The following FRMD6 variants were observed in gnomAD, a reference collection of about 807,000 sequenced individuals.
FRMD6 encodes FERM domain containing 6, also known as FERM domain-containing protein 6.
FRMD6 carries 37 observed loss-of-function variants against 73.2 expected under a neutral mutation model. The observed-to-expected ratio is 0.51, with a 90% CI of 0.39 to 0.66. The LOEUF (loss-of-function observed/expected upper bound fraction) is 0.66, where lower values mean the gene tolerates loss of function less well. FRMD6 is among the 30% of genes least tolerant of loss of function. The pLI is 0.00. For missense variants in FRMD6, 714 were observed against 780.5 expected, an observed-to-expected ratio of 0.91 and a Z score of 1.02; for synonymous variants, 273 against 282.2, an observed-to-expected ratio of 0.97 and a Z score of 0.33.
chr14:51,603,106 GCT>G (rs1319159224), intron 2 of FRMD6, among the ~76,000 whole-genome samples: 3 of 152,208 alleles, frequency 2.0e-5, no homozygotes, highest in Non-Finnish European at 4.4e-5. Flanking sequence ...GAGCCAGCCA[GCT>G]CTTCCACCAC....
chr14:51,452,419 G>A, the FRMD6 span, among the ~76,000 whole-genome samples: 4 of 152,190 alleles, frequency 2.6e-5, no homozygotes, highest in Non-Finnish European at 5.9e-5. Flanking sequence ...CTCTAGTGAT[G>A]GTTTTCAAAC....
At chr14:51,693,574 T>G (rs1179367564) in intron 2 of FRMD6, among the ~76,000 whole-genome samples, 1 of 151,964 alleles carries the variant, frequency 6.6e-6, no homozygotes, top group Non-Finnish European at 1.5e-5. Context: ...ACAGGGACAT[T>G]GCAAGGATTT....
At chr14:51,628,799 T>TAAAAA (rs1566512046) in intron 2 of FRMD6, among the ~76,000 whole-genome samples, 1 of 9,322 alleles carries the variant, frequency 1.1e-4, no homozygotes, top group African/African-American at 3.9e-4. Context: ...AGACTCTGTC[T>TAAAAA]CAAAAAAAAA....
intron 1 of FRMD6, among the ~76,000 whole-genome samples, chr14:51,681,993 C>T (rs1894832588): frequency 1.3e-5 from 2 of 152,164 alleles, no homozygotes; most frequent in African/African-American, 4.8e-5. Context: ...CTGTAAAACA[C>T]ATTGTGGTCT....
chr14:51,508,407 C>T (rs1018813374), intron 1 of FRMD6, among the ~76,000 whole-genome samples: 6 of 152,216 alleles, frequency 3.9e-5, no homozygotes, highest in African/African-American at 1.2e-4. Context: ...CTCTTTTATA[C>T]TTTCTGCTAA....
At chr14:51,441,571 G>A in the FRMD6 span, among the ~76,000 whole-genome samples, 5 of 152,280 alleles carry the variant, frequency 3.3e-5, no homozygotes, top group South Asian at 1.0e-3. Flanking sequence ...CTTCTATTCT[G>A]TGATCCTTAC....
In FRMD6 at chr14:51,720,176, C is replaced by G. The variant is rs56069447; in HGVS notation, c.1146C>G (p.Ser382=). 4.8e-4 allele frequency: 781 copies of G among 1,614,010 alleles called. 3 individuals carry two copies. In the African/African-American group the frequency reaches 9.5e-3, roughly 20 times the overall value. Residue 382 remains serine, a synonymous_variant, in exon 11 of 14, where the codon TCC becomes TCG. Coordinates refer to ENST00000344768, the MANE Select transcript of FRMD6 (RefSeq NM_001267046.2). The part of the protein sequence containing the change: ...SAGSMKHKRL[S]RHSTASHSSS... ...GCAGCATGAAACACAAGCGCCTGTC[C>G]CGTCATTCCACCGCCAGCCACAGCA...
intron 1 of FRMD6, among the ~76,000 whole-genome samples, chr14:51,501,357 C>G (rs912767348): frequency 6.6e-6 from 1 of 152,136 alleles, no homozygotes; most frequent in African/African-American, 2.4e-5. Flanking sequence ...CTTCCTGATG[C>G]TCTCCCTCCC....
At chr14:51,604,976 C>T (rs888972016) in intron 2 of FRMD6, among the ~76,000 whole-genome samples, 3 of 152,094 alleles carry the variant, frequency 2.0e-5, no homozygotes, top group Non-Finnish European at 4.4e-5. Flanking sequence ...ATGGCCTATG[C>T]GAGCTGTGAT....
At chr14:51,590,062 C>CAAAAAAAAAAAAAAAA (rs529602796) in intron 2 of FRMD6, among the ~76,000 whole-genome samples, 1 of 82,594 alleles carries the variant, frequency 1.2e-5, no homozygotes, top group Non-Finnish European at 2.9e-5. Flanking sequence ...GAGCGAAACT[C>CAAAAAAAAAAAAAAAA]AAAAAAAAAA....
the FRMD6 span, among the ~76,000 whole-genome samples, chr14:51,444,386 G>A: frequency 6.6e-6 from 1 of 152,202 alleles, no homozygotes; most frequent in African/African-American, 2.4e-5. Flanking sequence ...ATGAGAACTG[G>A]CATGTGGTTG....
chr14:51,721,859 A>C (rs746255007), intron 11 of FRMD6, 90 bp from the exon 12 acceptor site: 104 of 1,464,962 alleles, frequency 7.1e-5, no homozygotes, highest in Non-Finnish European at 9.3e-5. Flanking sequence ...AAATAGGAAT[A>C]ATTACATAGC....
intron 2 of FRMD6, among the ~76,000 whole-genome samples, chr14:51,643,080 A>G (rs925222980): frequency 1.3e-5 from 2 of 152,230 alleles, no homozygotes; most frequent in South Asian, 2.1e-4. Flanking sequence ...ATGAGCTTAG[A>G]GTCAGATTTC....
At chr14:51,656,779 T>C (rs1892867435) in intron 1 of FRMD6, among the ~76,000 whole-genome samples, 1 of 152,206 alleles carries the variant, frequency 6.6e-6, no homozygotes, top group African/African-American at 2.4e-5. Context: ...TAAATTGATA[T>C]ATCAAGAAAC....
intron 2 of FRMD6, among the ~76,000 whole-genome samples, chr14:51,626,760 C>CAGAG (rs1379623011): frequency 1.3e-5 from 2 of 152,174 alleles, no homozygotes; most frequent in South Asian, 4.1e-4. Context: ...CCACTTTGAA[C>CAGAG]AGAGACCTCT....
chr14:51,595,104 A>G (rs1310560695), intron 2 of FRMD6, among the ~76,000 whole-genome samples: 3 of 152,212 alleles, frequency 2.0e-5, no homozygotes, highest in East Asian at 1.9e-4. Flanking sequence ...CTGTGCTAGG[A>G]GACCACATGG....
At chr14:51,704,666 T>C (rs1896520387) in intron 5 of FRMD6, 83 bp from the exon 6 acceptor site, 6 of 1,123,076 alleles carry the variant, frequency 5.3e-6, no homozygotes, top group Admixed American at 4.3e-5. Flanking sequence ...TGTCACCAGA[T>C]GGAGAGAAGG....
the FRMD6 span, among the ~76,000 whole-genome samples, chr14:51,420,939 A>C: frequency 0.22 from 33,437 of 151,788 alleles, 4,355 homozygotes; most frequent in East Asian, 0.51. Flanking sequence ...ACACCTAGCT[A>C]ATTTTTTTGT....
At chr14:51,450,470 G>T in the FRMD6 span, among the ~76,000 whole-genome samples, 2 of 152,248 alleles carry the variant, frequency 1.3e-5, no homozygotes, top group Admixed American at 6.5e-5. Context: ...ATGCCTAGAA[G>T]CTCTTCCAAA....
Sources: gnomAD v4.1 joint callset for allele counts (sites outside exome capture counted in the v4.1 genomes callset) on GRCh38, gnomAD v4.1.1 for gene constraint, MANE v1.5 for transcripts, NCBI Gene and HGNC (gene_info 2026-07-23, HGNC 2026-07-21) for gene names.